Variants in PEX14 observed in about 807,000 individuals in gnomAD.
PEX14 encodes peroxisomal membrane protein PEX14.
PEX14 carries 15 observed loss-of-function variants against 49.5 expected under a neutral mutation model. The ratio of observed to expected loss-of-function variants is 0.30; its 90% CI spans 0.20 to 0.47. The LOEUF (loss-of-function observed/expected upper bound fraction) is 0.47, where lower values mean the gene tolerates loss of function less well. Ranked by LOEUF, PEX14 falls within the 20% of genes least tolerant of loss-of-function variation. PEX14 has a pLI of 1.00. For synonymous variants in PEX14, 210 were observed against 212.7 expected (o/e 0.99, Z 0.11); for missense variants, 398 against 494.8 (o/e 0.80, Z 1.86).
At chr1:10,513,621 C>T (rs1641921133) in intron 2 of PEX14, among the ~76,000 whole-genome samples, 1 of 152,152 alleles carries the variant, frequency 6.6e-6, no homozygotes, top group Non-Finnish European at 1.5e-5. Context: ...CTCTGAGGAA[C>T]AGAAGGATCA....
intron 2 of PEX14, among the ~76,000 whole-genome samples, chr1:10,526,644 G>A (rs1638491605): frequency 6.6e-6 from 1 of 152,042 alleles, no homozygotes; most frequent in Non-Finnish European, 1.5e-5. Flanking sequence ...TTGGATTTTG[G>A]ATTTTTTCAG....
In PEX14 at chr1:10,478,973, G is replaced by A. The variant is rs528366725; in HGVS notation, c.36+3971G>A. ...TCACCGTATTAGCCAGGATGGTCTC[G>A]ATCTCCTGACCTCGTGATCCGCCCA... is the stretch of plus-strand genomic sequence containing the variant. On this transcript the variant is annotated intron_variant, in intron 1 of 8. Transcript: ENST00000356607. Among the ~76,000 whole-genome samples the A allele has an allele frequency of 3.3e-5, 5 of 151,736 alleles. No homozygotes were observed. The South Asian group carries it at 8.3e-4, about 25-fold the overall frequency.
intron 3 of PEX14, among the ~76,000 whole-genome samples, chr1:10,544,882 C>T (rs1639123113): frequency 6.6e-6 from 1 of 152,128 alleles, no homozygotes; most frequent in Non-Finnish European, 1.5e-5. Flanking sequence ...CCCATCGCAG[C>T]CTCCCAGGTA....
chr1:10,614,347 G>A (rs1037603716), intron 4 of PEX14, among the ~76,000 whole-genome samples: 5 of 152,144 alleles, frequency 3.3e-5, no homozygotes, highest in African/African-American at 1.2e-4. Context: ...CATTAATAAT[G>A]AAAACCAGGG....
At chr1:10,532,497 C>T (rs1638678528) in intron 2 of PEX14, among the ~76,000 whole-genome samples, 1 of 152,068 alleles carries the variant, frequency 6.6e-6, no homozygotes. Context: ...TCATTAAGAA[C>T]TCAGTGCAAG....
At position 10,629,620 on chromosome 1, in the gene PEX14, T is replaced by C. The variant is rs1352067314; in HGVS notation, c.767T>C (p.Val256Ala). 2 of 1,613,418 alleles carry C rather than the reference T, an allele frequency of 1.2e-6. No individual in the cohort carries two copies. The highest frequency in any genetic ancestry group is 2.7e-5 in the African/African-American group (2 of 74,748). The change falls in exon 9 of 9, where the codon GTG becomes GCG. Residue 256 changes from valine to alanine, a missense_variant. Val to Ala is a moderately conservative substitution (Grantham distance 64). This residue lies in a region of PEX14 where 202 missense variants were observed against 298.5 expected (regional missense o/e 0.68). Coordinates refer to ENST00000356607, the MANE Select transcript of PEX14 (RefSeq NM_004565.3). The surrounding 1 kb of genome is among the most constrained non-coding windows in gnomAD (Gnocchi z 8.5). ...CCGTCACCCTCCAGCCCTGCGGCCG[T>C]GAACCACCACAGCAGCAGCGACATC... is the stretch of plus-strand genomic sequence containing the variant. ...KSPSPSSPAAVNHHSSSDISP... is the reference protein window; with the variant it reads ...KSPSPSSPAAANHHSSSDISP...
intron 3 of PEX14, among the ~76,000 whole-genome samples, chr1:10,554,813 C>G (rs1032606012): frequency 6.6e-6 from 1 of 151,956 alleles, no homozygotes; most frequent in African/African-American, 2.4e-5. Context: ...TCCTGGGGCT[C>G]AAGTGATCTT....
intron 3 of PEX14, among the ~76,000 whole-genome samples, chr1:10,587,559 C>T (rs936711877): frequency 1.3e-5 from 2 of 152,104 alleles, no homozygotes; most frequent in Non-Finnish European, 2.9e-5. Flanking sequence ...TGGAAACAAC[C>T]TGGAAGAAGG....
chr1:10,533,452 A>G (rs897580579), intron 2 of PEX14, among the ~76,000 whole-genome samples: 9 of 152,198 alleles, frequency 5.9e-5, no homozygotes, highest in African/African-American at 2.2e-4. Context: ...TAAAATAAAT[A>G]CGTCAATTTC....
chr1:10,618,353 G>A lies in PEX14; in HGVS notation c.320G>A (p.Arg107Gln), dbSNP rs774125017. ...GTAGGTCCCGCAGGCTCCCGATGGC[G>A]AGATTACGGCGCCCTGGCCATCATC... is the stretch of plus-strand genomic sequence containing the variant. ...QPYSPAGSRW[R>Q]DYGALAIIMA... Residue 107 changes from arginine to glutamine, a missense_variant, in exon 5 of 9, where the codon CGA (arginine) becomes CAA (glutamine). Physicochemically the swap from Arg to Gln is conservative, Grantham distance 43 (BLOSUM62 1). Around this residue, in one of 3 missense-constraint regions of PEX14, gnomAD observed 202 missense variants for 298.5 expected, o/e 0.68. Transcript: ENST00000356607. The A allele has an allele frequency of 1.9e-5, 30 of 1,613,812 alleles. No individual in the cohort carries two copies. Among genetic ancestry groups the A allele is most frequent in the Admixed American group, 1.3e-4 (8 of 60,012 alleles).
chr1:10,601,948 A>G (rs1453505496), intron 4 of PEX14, among the ~76,000 whole-genome samples: 1 of 152,218 alleles, frequency 6.6e-6, no homozygotes, highest in East Asian at 1.9e-4. Context: ...CTTAATACCG[A>G]ACAGGTCTCT....
intron 2 of PEX14, among the ~76,000 whole-genome samples, chr1:10,517,303 G>A (rs868754398): frequency 1.5e-4 from 23 of 152,216 alleles, no homozygotes; most frequent in African/African-American, 5.3e-4. Context: ...GGAGGTGGGG[G>A]TGAGGGGCAA....
intron 3 of PEX14, among the ~76,000 whole-genome samples, chr1:10,594,827 G>GC (rs978477558): frequency 8.3e-5 from 3 of 36,086 alleles, no homozygotes; most frequent in Admixed American, 4.2e-4. Flanking sequence ...CACAATCGCA[G>GC]CCTGTACCCT....
intron 1 of PEX14, among the ~76,000 whole-genome samples, chr1:10,492,989 C>T (rs566108357): frequency 9.2e-5 from 14 of 152,242 alleles, no homozygotes; most frequent in African/African-American, 3.1e-4. Context: ...AGGAATGCTT[C>T]CCTGAGGAAG....
chr1:10,499,284 T>A (rs1442403847), intron 2 of PEX14, among the ~76,000 whole-genome samples: 3 of 152,222 alleles, frequency 2.0e-5, no homozygotes, highest in Non-Finnish European at 4.4e-5. Context: ...GGATTTTGGC[T>A]AAACTAGAAT....
chr1:10,546,637 T>G (rs1436250715), intron 3 of PEX14, among the ~76,000 whole-genome samples: 8 of 119,262 alleles, frequency 6.7e-5, no homozygotes, highest in South Asian at 2.6e-4. Flanking sequence ...GAGGCCAAGG[T>G]GGGCAGATCA....
intron 1 of PEX14, among the ~76,000 whole-genome samples, chr1:10,482,863 G>T (rs663864): frequency 0.41 from 62,071 of 152,096 alleles, 14,101 homozygotes; most frequent in Non-Finnish European, 0.51. Flanking sequence ...GTTCATCTAC[G>T]TTTTTTATTT....
At chr1:10,554,133 C>CAAAAAAAAAAA (rs33963510) in intron 3 of PEX14, among the ~76,000 whole-genome samples, 4 of 111,058 alleles carry the variant, frequency 3.6e-5, no homozygotes, top group African/African-American at 1.4e-4. Context: ...ACTAAAAATA[C>CAAAAAAAAAAA]AAAAAAAAAA....
chr1:10,560,625 C>T (rs1237948894), intron 3 of PEX14, among the ~76,000 whole-genome samples: 1 of 152,002 alleles, frequency 6.6e-6, no homozygotes, highest in Non-Finnish European at 1.5e-5. Context: ...CCTGCCTCAA[C>T]CTCCCAAAGT....
Sources: gnomAD v4.1 joint callset for allele counts (sites outside exome capture counted in the v4.1 genomes callset) on GRCh38, gnomAD v4.1.1 for gene constraint, gnomAD v4.1.1 regional missense constraint, Gnocchi (gnomAD v3.1) non-coding constraint, MANE v1.5 for transcripts, NCBI Gene and HGNC (gene_info 2026-07-23, HGNC 2026-07-21) for gene names.